The following TPD52L2 variants were observed in gnomAD, a reference collection of about 807,000 sequenced individuals.
TPD52L2 encodes the protein TPD52 like 2.
In TPD52L2, 19 loss-of-function variants were observed where a neutral mutation model predicts 24.7. The observed-to-expected ratio is 0.77, with a 90% CI of 0.54 to 1.13. The LOEUF (loss-of-function observed/expected upper bound fraction) is 1.13. TPD52L2 is among the 50% of genes most tolerant of loss of function. TPD52L2 has a pLI of 0.00. For missense variants in TPD52L2, 236 were observed against 250.4 expected (o/e 0.94, Z 0.39); for synonymous variants, 104 against 100.2 (o/e 1.04, Z -0.23).
At chr20:63,887,587 T>A in intron 5 of TPD52L2, 1 of 1,613,588 alleles carries the variant, frequency 6.2e-7, no homozygotes. Context: ...CGCCACTCAA[T>A]AAGTATGCCA....
At chr20:63,876,030 T>C (rs2052662403) in intron 4 of TPD52L2, among the ~76,000 whole-genome samples, 155 bp downstream of exon 4, 2 of 152,206 alleles carry the variant, frequency 1.3e-5, no homozygotes, top group Non-Finnish European at 2.9e-5. Flanking sequence ...AGGTAAACTA[T>C]CCTTTAAACT....
At chr20:63,869,877 C>A (rs139409250) in intron 2 of TPD52L2, among the ~76,000 whole-genome samples, 1 of 152,204 alleles carries the variant, frequency 6.6e-6, no homozygotes, top group African/African-American at 2.4e-5. Flanking sequence ...GTAATTCCAG[C>A]GCCTTAGGAG....
intron 5 of TPD52L2, among the ~76,000 whole-genome samples, chr20:63,884,316 C>T (rs1052434513): frequency 6.6e-6 from 1 of 152,166 alleles, no homozygotes; most frequent in African/African-American, 2.4e-5. Context: ...TGTTTTCTTC[C>T]CGAAAATGCT....
At chr20:63,888,775 A>G (rs1235173545) in intron 5 of TPD52L2, 1 of 202,066 alleles carries the variant, frequency 4.9e-6, no homozygotes, top group Admixed American at 5.2e-5. Context: ...CCAACTGCGC[A>G]GACTTTTCAT....
intron 5 of TPD52L2, chr20:63,887,164 A>T: frequency 3.2e-6 from 1 of 310,242 alleles, no homozygotes; most frequent in South Asian, 2.8e-5. Flanking sequence ...TGGAACCGGG[A>T]GGTCTAGAGC....
At chr20:63,865,719 G>A (rs1203786445) in intron 1 of TPD52L2, among the ~76,000 whole-genome samples, 1 of 152,106 alleles carries the variant, frequency 6.6e-6, no homozygotes. Flanking sequence ...CCCACCCCGT[G>A]CCCTGCTCTT....
intron 4 of TPD52L2, among the ~76,000 whole-genome samples, chr20:63,881,327 C>T (rs1359016243): frequency 5.3e-5 from 8 of 151,212 alleles, no homozygotes; most frequent in African/African-American, 1.9e-4. Context: ...ACCACTGCCC[C>T]CCAGCCTGAG....
At position 63,882,805 on chromosome 20, in the gene TPD52L2, A is replaced by C; in HGVS notation, c.461A>C (p.Lys154Thr). Residue 154 changes from lysine (K) to threonine (T), a missense_variant, in exon 5 of 7, where the codon AAG (lysine) becomes ACG (threonine). Coordinates refer to ENST00000346249, the MANE Select transcript of TPD52L2 (RefSeq NM_003288.4). ...ACAGTGGGCTCTGCCATCAGCAGGA[A>C]GCTTGGAGACATGAGGTGAGACGCA... ...LSTVGSAISRKLGDMRNSATF... is the reference protein window; with the variant it reads ...LSTVGSAISRTLGDMRNSATF... 1 of 1,612,744 alleles carries C rather than the reference A, an allele frequency of 6.2e-7. No individual in the cohort carries two copies. Among genetic ancestry groups the C allele is most frequent in the South Asian group, 1.1e-5 (1 of 91,000 alleles).
At chr20:63,867,349 T>C (rs1273259007) in intron 1 of TPD52L2, among the ~76,000 whole-genome samples, 1 of 152,174 alleles carries the variant, frequency 6.6e-6, no homozygotes, top group African/African-American at 2.4e-5. Flanking sequence ...GTGGATCACT[T>C]GAGGTCAGGA....
chr20:63,869,600 G>A (rs2052387453), intron 2 of TPD52L2, among the ~76,000 whole-genome samples, 159 bp downstream of exon 2: 1 of 152,156 alleles, frequency 6.6e-6, no homozygotes, highest in Non-Finnish European at 1.5e-5. Context: ...CTTTGTATGT[G>A]CCCAGCTCCA....
At chr20:63,872,822 G>C (rs1600795127) in intron 2 of TPD52L2, among the ~76,000 whole-genome samples, 1 of 152,132 alleles carries the variant, frequency 6.6e-6, no homozygotes, top group Admixed American at 6.5e-5. Context: ...TCCTGCCTCA[G>C]CCTCCCGAGT....
chr20:63,873,604 C>T, intron 2 of TPD52L2, 64 bp from the exon 3 acceptor site: 1 of 1,579,944 alleles, frequency 6.3e-7, no homozygotes, highest in Non-Finnish European at 8.6e-7. Flanking sequence ...TGGCACTGTG[C>T]ATGAGGATGT....
At chr20:63,871,984 TG>T (rs1265973312) in intron 2 of TPD52L2, among the ~76,000 whole-genome samples, 1 of 151,712 alleles carries the variant, frequency 6.6e-6, no homozygotes, top group Non-Finnish European at 1.5e-5. Context: ...CTGAAGATAC[TG>T]AGAACTCATT....
chr20:63,883,772 C>G (rs2052989023), intron 5 of TPD52L2, among the ~76,000 whole-genome samples: 2 of 151,664 alleles, frequency 1.3e-5, no homozygotes, highest in African/African-American at 2.4e-5. Context: ...CTCTTCCCCT[C>G]TTGTGGCCCC....
In TPD52L2 at chr20:63,890,280, T is replaced by A. The variant is rs2053283268; in HGVS notation, c.*335T>A. 2 of 449,734 alleles carry A rather than the reference T, an allele frequency of 4.4e-6. No homozygotes were observed. Among genetic ancestry groups the A allele is most frequent in the Non-Finnish European group, 7.9e-6 (2 of 254,164 alleles). The allele number at this position is 449,734 out of a possible 1,614,324, so 27.9% of individuals were successfully genotyped here. A position where few individuals can be genotyped will look rare whatever the true frequency, so the allele number is the denominator to read the frequency against. On this transcript the variant is annotated 3_prime_UTR_variant, in exon 7 of 7. Transcript: ENST00000346249. The stretch of plus-strand genomic sequence containing the variant: ...GGAATCATGTTAGCCCATCAGAATG[T>A]TGAAGGATTGAAGAGTTCTAAGCAT...
At chr20:63,870,758 C>T (rs531055289) in intron 2 of TPD52L2, among the ~76,000 whole-genome samples, 2 of 151,472 alleles carry the variant, frequency 1.3e-5, no homozygotes, top group Non-Finnish European at 2.9e-5. Flanking sequence ...CGCCCTGTCG[C>T]CCAGGCTGGA....
rs565813974 is a variant in TPD52L2 at position 63,875,152 on chromosome 20, A to AAT, written c.315-647_315-646dup. On this transcript the variant is annotated intron_variant, in intron 3 of 6. Coordinates refer to ENST00000346249, the MANE Select transcript of TPD52L2 (RefSeq NM_003288.4). Reference sequence around the variant, plus strand: ...GCAAGACTCTGTCTCAAAAAAAAAAAATATATATATATATATATTTATATA... The same window carrying AAT: ...GCAAGACTCTGTCTCAAAAAAAAAAAATATATATATATATATATATTTATATA... 6.3e-3 allele frequency among the ~76,000 whole-genome samples: 894 copies of AAT among 141,710 alleles called. 8 individuals are homozygous for AAT. Among genetic ancestry groups the AAT allele is most frequent in the South Asian group, 0.014 (63 of 4,422 alleles). 93.0% of individuals were successfully genotyped at this position (141,710 alleles called of 152,430 possible).
At chr20:63,888,839 G>A (rs2053227384) in intron 5 of TPD52L2, 3 of 328,272 alleles carry the variant, frequency 9.1e-6, no homozygotes, top group South Asian at 4.4e-5. Flanking sequence ...GAGAGGGGCC[G>A]ACAGCCCCCC....
chr20:63,872,478 A>G (rs536726483), intron 2 of TPD52L2, among the ~76,000 whole-genome samples: 1 of 151,562 alleles, frequency 6.6e-6, no homozygotes, highest in Non-Finnish European at 1.5e-5. Context: ...CCTGGGTTCA[A>G]ACAGTTTTCC....
Sources: gnomAD v4.1 joint callset for allele counts (sites outside exome capture counted in the v4.1 genomes callset) on GRCh38, gnomAD v4.1.1 for gene constraint, MANE v1.5 for transcripts, NCBI Gene and HGNC (gene_info 2026-07-23, HGNC 2026-07-21) for gene names.